The following AGBL4 variants were observed in gnomAD, a reference collection of about 807,000 sequenced individuals.
AGBL4 encodes the protein AGBL carboxypeptidase 4.
AGBL4 carries 58 observed loss-of-function variants against 66.4 expected under a neutral mutation model. That is an observed-to-expected ratio of 0.87 (90% CI 0.71 to 1.09). The LOEUF is 1.09. Ranked by LOEUF, AGBL4 falls within the 50% of genes least tolerant of loss-of-function variation. The pLI is 0.00. For missense variants in AGBL4, 579 were observed against 631.0 expected, an observed-to-expected ratio of 0.92 and a Z score of 0.88; for synonymous variants, 234 against 222.9, an observed-to-expected ratio of 1.05 and a Z score of -0.44.
chr1:48,851,363 C>T (rs1406262275), intron 6 of AGBL4, among the ~76,000 whole-genome samples: 2 of 152,080 alleles, frequency 1.3e-5, no homozygotes, highest in Non-Finnish European at 2.9e-5. Flanking sequence ...TTAGTGGGAC[C>T]AACACGAGCA....
intron 3 of AGBL4, among the ~76,000 whole-genome samples, chr1:49,456,466 AC>A (rs987428703): frequency 2.0e-5 from 3 of 151,680 alleles, no homozygotes; most frequent in Non-Finnish European, 4.4e-5. Context: ...TATTACAACT[AC>A]CCCAAGTGTC....
At chr1:48,545,892 T>C (rs1242636127) in intron 11 of AGBL4, among the ~76,000 whole-genome samples, 1 of 152,228 alleles carries the variant, frequency 6.6e-6, no homozygotes, top group African/African-American at 2.4e-5. Flanking sequence ...TTCATTCTCA[T>C]TCATTCACTC....
intron 1 of AGBL4, among the ~76,000 whole-genome samples, chr1:49,919,281 C>G (rs550114899): frequency 3.3e-5 from 5 of 152,212 alleles, no homozygotes; most frequent in Non-Finnish European, 5.9e-5. Flanking sequence ...ATTAGGAAAA[C>G]AGGAAGTCAC....
intron 3 of AGBL4, among the ~76,000 whole-genome samples, chr1:49,251,030 A>C (rs951953815): frequency 6.6e-5 from 10 of 152,264 alleles, no homozygotes; most frequent in Admixed American, 2.6e-4. Flanking sequence ...TTTGCAGGAC[A>C]GTCTTCCATA....
At chr1:49,540,149 T>C (rs987591360) in intron 3 of AGBL4, among the ~76,000 whole-genome samples, 4 of 152,216 alleles carry the variant, frequency 2.6e-5, no homozygotes, top group African/African-American at 7.2e-5. Context: ...AAGCAACTTG[T>C]ATTAGTTAGC....
chr1:48,797,255 A>G (rs1645703540), intron 6 of AGBL4, among the ~76,000 whole-genome samples: 1 of 152,206 alleles, frequency 6.6e-6, no homozygotes, highest in Admixed American at 6.5e-5. Flanking sequence ...TTTGGGGAAC[A>G]GGTGGTTTTT....
At chr1:48,855,318 T>C (rs1429394547) in intron 6 of AGBL4, among the ~76,000 whole-genome samples, 1 of 152,206 alleles carries the variant, frequency 6.6e-6, no homozygotes, top group Non-Finnish European at 1.5e-5. Context: ...AATAACGGCA[T>C]CTTTCATAGA....
chr1:49,549,544 C>T (rs1032681213), intron 3 of AGBL4, among the ~76,000 whole-genome samples: 7 of 152,116 alleles, frequency 4.6e-5, no homozygotes, highest in East Asian at 1.9e-4. Context: ...TGACCCAATG[C>T]TCATTCAGGA....
chr1:48,682,120 A>T (rs901468716), intron 6 of AGBL4, among the ~76,000 whole-genome samples: 2 of 152,214 alleles, frequency 1.3e-5, no homozygotes, highest in Non-Finnish European at 2.9e-5. Flanking sequence ...GACAGGGGAA[A>T]GATGGCCATT....
chr1:49,827,300 T>C (rs890531386), intron 2 of AGBL4, among the ~76,000 whole-genome samples: 1 of 151,790 alleles, frequency 6.6e-6, no homozygotes, highest in Non-Finnish European at 1.5e-5. Context: ...AACATTAAGA[T>C]GGAGTAAAAG....
At chr1:49,172,736 T>C (rs566655792) in intron 4 of AGBL4, among the ~76,000 whole-genome samples, 3 of 152,312 alleles carry the variant, frequency 2.0e-5, no homozygotes, top group South Asian at 2.1e-4. Flanking sequence ...GTTGTTGGGT[T>C]CTGAAAATCA....
At chr1:49,064,315 G>T (rs934340267) in intron 4 of AGBL4, among the ~76,000 whole-genome samples, 1 of 152,060 alleles carries the variant, frequency 6.6e-6, no homozygotes, top group Non-Finnish European at 1.5e-5. Flanking sequence ...ACTTTGGTGG[G>T]GTCACAAGTA....
At chr1:48,545,460 A>T (rs1042183934) in intron 11 of AGBL4, among the ~76,000 whole-genome samples, 14 of 152,204 alleles carry the variant, frequency 9.2e-5, no homozygotes, top group African/African-American at 3.4e-4. Flanking sequence ...AACATTTTCA[A>T]TTAAAACAAG....
At chr1:49,995,186 G>A (rs1421810579) in intron 1 of AGBL4, 4 of 456,160 alleles carry the variant, frequency 8.8e-6, no homozygotes, top group Non-Finnish European at 1.8e-5. Flanking sequence ...CACAGAAACT[G>A]GGGCAGGTGG....
chr1:49,857,791 T>G lies in AGBL4; in HGVS notation c.35-6273A>C, dbSNP rs372028801. Among the ~76,000 whole-genome samples the G allele has an allele frequency of 2.8e-3, 424 of 151,974 alleles. 3 individuals are homozygous for G. The highest frequency in any genetic ancestry group is 1.0e-2 in the South Asian group (48 of 4,820). ...AAAACTATTAGAAGAAACACTTCAGTAGATTGGTCTAGGCAAAGATTTAAT... is the reference window on the plus strand; with the variant it reads ...AAAACTATTAGAAGAAACACTTCAGGAGATTGGTCTAGGCAAAGATTTAAT... On this transcript the variant is annotated intron_variant, in intron 1 of 13. Transcript: ENST00000371839.
intron 3 of AGBL4, among the ~76,000 whole-genome samples, chr1:49,313,859 C>T (rs544595877): frequency 7.2e-4 from 110 of 152,294 alleles, no homozygotes; most frequent in African/African-American, 2.6e-3. Context: ...TGGGCAGAAG[C>T]TCTTTAGTTT....
intron 5 of AGBL4, among the ~76,000 whole-genome samples, chr1:48,900,079 G>A (rs1651937103): frequency 1.3e-5 from 2 of 152,160 alleles, no homozygotes; most frequent in Admixed American, 1.3e-4. Flanking sequence ...TGGGGTTGGA[G>A]TGCTCCAGTC....
chr1:48,674,045 G>A (rs756861782), intron 6 of AGBL4, among the ~76,000 whole-genome samples: 8 of 152,086 alleles, frequency 5.3e-5, no homozygotes, highest in Non-Finnish European at 8.8e-5. Context: ...GTACTCCCTA[G>A]CCCGCTTGTC....
At chr1:49,445,090 C>T (rs925825160) in intron 3 of AGBL4, among the ~76,000 whole-genome samples, 1 of 151,800 alleles carries the variant, frequency 6.6e-6, no homozygotes, top group Non-Finnish European at 1.5e-5. Context: ...CTGAGAAAAA[C>T]TCTTCTTCAT....
Sources: gnomAD v4.1 joint callset for allele counts (sites outside exome capture counted in the v4.1 genomes callset) on GRCh38, gnomAD v4.1.1 for gene constraint, MANE v1.5 for transcripts, NCBI Gene and HGNC (gene_info 2026-07-23, HGNC 2026-07-21) for gene names.